P3H2: variants seen among roughly 807,000 people sequenced by gnomAD.
The protein encoded by P3H2 is prolyl 3-hydroxylase 2, also known as leprecan-like 1.
P3H2 carries 80 observed loss-of-function variants against 87.0 expected under a neutral mutation model. That is an observed-to-expected ratio of 0.92 (90% CI 0.77 to 1.11). The LOEUF (loss-of-function observed/expected upper bound fraction) is 1.11, where lower values mean the gene tolerates loss of function less well. Among genes scored for constraint, P3H2 ranks in the 50% least tolerant of loss-of-function variants. The pLI is 0.00. For missense variants in P3H2, 1,001 were observed against 923.9 expected, an observed-to-expected ratio of 1.08 and a Z score of -1.08; for synonymous variants, 367 against 359.3, an observed-to-expected ratio of 1.02 and a Z score of -0.24.
At chr3:189,969,149 G>A in intron 13 of P3H2, 1 of 603,190 alleles carries the variant, frequency 1.7e-6, no homozygotes, top group Non-Finnish European at 3.1e-6. Context: ...TTTTCTTTCG[G>A]GGTCTGTAAG....
intron 1 of P3H2, among the ~76,000 whole-genome samples, chr3:190,055,656 G>T (rs746513851): frequency 2.2e-4 from 33 of 152,204 alleles, no homozygotes; most frequent in Admixed American, 6.5e-4. Flanking sequence ...TCTCTTGAAG[G>T]AAGTCAAAGA....
chr3:189,982,995 C>A (rs1489039445), intron 8 of P3H2, 51 bp downstream of exon 8: 1 of 1,360,732 alleles, frequency 7.3e-7, no homozygotes, highest in East Asian at 2.3e-5. Flanking sequence ...CTGGTCAAGC[C>A]CCATCTTCCC....
intron 14 of P3H2, among the ~76,000 whole-genome samples, chr3:189,960,379 A>ATCT (rs1722777748): frequency 6.6e-6 from 1 of 152,184 alleles, no homozygotes; most frequent in Non-Finnish European, 1.5e-5. Flanking sequence ...AGGGCATCTT[A>ATCT]TCTTCTTGGT....
At position 190,041,099 on chromosome 3, in the gene P3H2, ATATATATAC is replaced by A. The variant is rs1410399045; in HGVS notation, c.481-45666_481-45658del. On this transcript the variant is annotated intron_variant, in intron 1 of 14. Transcript: ENST00000319332. The stretch of plus-strand genomic sequence containing the variant: ...ACACACACTCTCTCTCTCTATATAT[ATATATATAC>A]TATATATATATATATAAGCTGGGCA... Among the ~76,000 whole-genome samples, 79 of 13,250 alleles carry A rather than the reference ATATATATAC, an allele frequency of 6.0e-3. 5 individuals are homozygous for A. The highest frequency in any genetic ancestry group is 0.016 in the South Asian group (6 of 374). 8.7% of individuals were successfully genotyped at this position (13,250 alleles called of 152,430 possible). A position where few individuals can be genotyped will look rare whatever the true frequency, so the allele number is the denominator to read the frequency against.
chr3:189,963,833 C>T (rs2108902887), intron 14 of P3H2, 125 bp downstream of exon 14: 1 of 899,882 alleles, frequency 1.1e-6, no homozygotes, highest in African/African-American at 1.6e-5. Context: ...CTTACTAGAA[C>T]ATATCTGATT....
At chr3:190,029,964 T>G (rs1176772985) in intron 1 of P3H2, among the ~76,000 whole-genome samples, 1 of 148,448 alleles carries the variant, frequency 6.7e-6, no homozygotes, top group Non-Finnish European at 1.5e-5. Context: ...GTCGTGCCAC[T>G]GCACTCCAGC....
chr3:189,978,212 T>G (rs1342861557), intron 8 of P3H2, among the ~76,000 whole-genome samples: 1 of 152,198 alleles, frequency 6.6e-6, no homozygotes, highest in Non-Finnish European at 1.5e-5. Context: ...CTTTGCCAAG[T>G]TTTTCTCTTT....
intron 8 of P3H2, among the ~76,000 whole-genome samples, chr3:189,979,156 GC>G (rs776811942): frequency 2.6e-5 from 4 of 152,138 alleles, no homozygotes; most frequent in Non-Finnish European, 1.5e-5. Flanking sequence ...AGGCACGGTG[GC>G]TCACACCTGT....
At chr3:190,029,123 A>G (rs989708440) in intron 1 of P3H2, among the ~76,000 whole-genome samples, 1 of 152,204 alleles carries the variant, frequency 6.6e-6, no homozygotes, top group South Asian at 2.1e-4. Flanking sequence ...ATTATCTCTT[A>G]AGAGTTCGAG....
At chr3:190,060,319 G>A (rs867019692) in intron 1 of P3H2, among the ~76,000 whole-genome samples, 7 of 152,150 alleles carry the variant, frequency 4.6e-5, no homozygotes, top group African/African-American at 7.2e-5. Context: ...AACTAGGCTG[G>A]AGATCTGTAA....
At chr3:190,034,650 G>A (rs1211462429) in intron 1 of P3H2, among the ~76,000 whole-genome samples, 1 of 152,126 alleles carries the variant, frequency 6.6e-6, no homozygotes, top group African/African-American at 2.4e-5. Context: ...TTATAAAAGG[G>A]CTGCATGAGG....
intron 1 of P3H2, among the ~76,000 whole-genome samples, chr3:190,100,259 C>CG (rs1186933875): frequency 8.5e-5 from 12 of 141,504 alleles, no homozygotes; most frequent in Non-Finnish European, 1.8e-4. Flanking sequence ...CGCCCCCCCC[C>CG]CCAAAAAAAA....
At chr3:190,036,717 A>G (rs1305733753) in intron 1 of P3H2, among the ~76,000 whole-genome samples, 1 of 152,142 alleles carries the variant, frequency 6.6e-6, no homozygotes. Context: ...AAGGAAACAG[A>G]ATTAGTTCCC....
chr3:189,970,054 T>C (rs1407259207), intron 13 of P3H2, among the ~76,000 whole-genome samples: 3 of 151,234 alleles, frequency 2.0e-5, no homozygotes, highest in Admixed American at 6.6e-5. Context: ...CTTAGGAAGA[T>C]GGTCGTTGAA....
chr3:190,041,707 G>T (rs1350028430), intron 1 of P3H2, among the ~76,000 whole-genome samples: 1 of 152,032 alleles, frequency 6.6e-6, no homozygotes, highest in Non-Finnish European at 1.5e-5. Flanking sequence ...CTTTTATATG[G>T]TTTTTTATGT....
intron 1 of P3H2, among the ~76,000 whole-genome samples, chr3:190,062,766 A>G (rs906468014): frequency 9.9e-5 from 15 of 152,122 alleles, no homozygotes; most frequent in Admixed American, 9.2e-4. Context: ...AGTATCTTGC[A>G]TCAGTGAGAT....
intron 6 of P3H2, 72 bp downstream of exon 6, chr3:189,986,716 G>A: frequency 9.0e-7 from 1 of 1,109,958 alleles, no homozygotes. Flanking sequence ...CAAAAATGGA[G>A]GCAGGTAATA....
intron 1 of P3H2, among the ~76,000 whole-genome samples, chr3:190,040,276 T>G (rs1725567826): frequency 6.6e-6 from 1 of 152,142 alleles, no homozygotes; most frequent in South Asian, 2.1e-4. Flanking sequence ...CACCACCAGA[T>G]ATTTAAACAG....
At chr3:190,088,525 A>G (rs1727301385) in intron 1 of P3H2, among the ~76,000 whole-genome samples, 1 of 152,208 alleles carries the variant, frequency 6.6e-6, no homozygotes, top group Non-Finnish European at 1.5e-5. Context: ...CATAATTGGG[A>G]AGGGAAGGAT....
Sources: allele counts gnomAD v4.1 joint callset (sites outside exome capture counted in the v4.1 genomes callset), GRCh38; gene constraint gnomAD v4.1.1; transcripts MANE v1.5; gene names NCBI Gene and HGNC (gene_info 2026-07-23, HGNC 2026-07-21).